Variants in PDE4D observed in about 807,000 individuals in gnomAD.
PDE4D encodes the protein phosphodiesterase 4D.
In PDE4D, 24 loss-of-function variants were observed where a neutral mutation model predicts 87.4. The observed-to-expected ratio is 0.27, with a 90% CI of 0.20 to 0.39. The LOEUF is 0.39. PDE4D is among the 10% of genes least tolerant of loss of function. The pLI, the probability that PDE4D is intolerant of heterozygous loss-of-function variation, is 1.00. For missense variants in PDE4D, 714 were observed against 1,041.0 expected, an observed-to-expected ratio of 0.69 and a Z score of 4.32; for synonymous variants, 384 against 383.2, an observed-to-expected ratio of 1.00 and a Z score of -0.02.
At chr5:59,782,627 G>C (rs1764744398) in intron 1 of PDE4D, among the ~76,000 whole-genome samples, 1 of 152,198 alleles carries the variant, frequency 6.6e-6, no homozygotes, top group African/African-American at 2.4e-5. Flanking sequence ...CAGAATCACA[G>C]ACTTTTGAGA....
intron 1 of PDE4D, among the ~76,000 whole-genome samples, chr5:59,650,346 T>G (rs1379838526): frequency 1.3e-5 from 2 of 152,180 alleles, no homozygotes; most frequent in African/African-American, 4.8e-5. Flanking sequence ...TTCTAATTCT[T>G]CTATTCTGTT....
chr5:60,069,862 A>G (rs1772519023), intron 2 of PDE4D, among the ~76,000 whole-genome samples: 1 of 152,078 alleles, frequency 6.6e-6, no homozygotes, highest in Non-Finnish European at 1.5e-5. Flanking sequence ...AATGTTTTGT[A>G]GTTTTTAATA....
intron 2 of PDE4D, among the ~76,000 whole-genome samples, chr5:60,174,529 C>T (rs143620785): frequency 1.0e-3 from 153 of 152,104 alleles, no homozygotes; most frequent in African/African-American, 3.6e-3. Context: ...GAAGAAACAG[C>T]TTTACCCTCT....
At chr5:59,501,217 T>C (rs1808239308) in intron 1 of PDE4D, among the ~76,000 whole-genome samples, 1 of 152,200 alleles carries the variant, frequency 6.6e-6, no homozygotes, top group Non-Finnish European at 1.5e-5. Context: ...TAGTTTTTAG[T>C]TGTTGTGTAG....
chr5:59,888,361 T>A (rs1031668242), intron 1 of PDE4D, among the ~76,000 whole-genome samples: 5 of 152,206 alleles, frequency 3.3e-5, no homozygotes, highest in African/African-American at 1.2e-4. Flanking sequence ...GATGGATTCA[T>A]TATGTTTTTC....
At chr5:60,492,137 A>G (rs919281510), upstream of PDE4D, among the ~76,000 whole-genome samples, 4 of 152,182 alleles carry the variant, frequency 2.6e-5, no homozygotes, top group Admixed American at 6.5e-5. Context: ...AAAAAAAAAA[A>G]AAAGAAAATT....
intron 1 of PDE4D, among the ~76,000 whole-genome samples, chr5:59,653,297 C>G (rs1743829458): frequency 6.6e-6 from 1 of 150,776 alleles, no homozygotes; most frequent in Admixed American, 6.7e-5. Context: ...AGCTGCACCT[C>G]CCAGGTTAAA....
intron 1 of PDE4D, among the ~76,000 whole-genome samples, chr5:59,712,317 T>C (rs912254404): frequency 2.7e-5 from 4 of 150,066 alleles, no homozygotes; most frequent in African/African-American, 9.8e-5. Context: ...GTCTATCCAT[T>C]TGTCTGTCTC....
chr5:59,544,319 G>T (rs905475507), intron 1 of PDE4D, among the ~76,000 whole-genome samples: 1 of 152,190 alleles, frequency 6.6e-6, no homozygotes, highest in African/African-American at 2.4e-5. Flanking sequence ...TGGTTGCTTG[G>T]AATTTAGGCA....
At chr5:59,584,890 C>T (rs564271545) in intron 1 of PDE4D, among the ~76,000 whole-genome samples, 1 of 152,172 alleles carries the variant, frequency 6.6e-6, no homozygotes, top group Non-Finnish European at 1.5e-5. Context: ...ATGCCTACTA[C>T]GTGCCAGGAA....
intron 6 of PDE4D, among the ~76,000 whole-genome samples, chr5:59,027,456 G>A (rs1341630535): frequency 3.3e-5 from 5 of 152,122 alleles, no homozygotes; most frequent in Non-Finnish European, 7.3e-5. Flanking sequence ...CTCCTTGAGA[G>A]TAGAGTATCT....
At chr5:59,009,580 C>A (rs10078763) in intron 6 of PDE4D, among the ~76,000 whole-genome samples, 15,297 of 151,922 alleles carry the variant, frequency 0.1, 1,017 homozygotes, top group Non-Finnish European at 0.13. Context: ...CAGCACTGGA[C>A]GTGGGGTTTG....
At chr5:60,482,160 C>T (rs769911999) in intron 1 of PDE4D, among the ~76,000 whole-genome samples, 5 of 151,904 alleles carry the variant, frequency 3.3e-5, no homozygotes, top group African/African-American at 9.7e-5. Flanking sequence ...GAATGGGGTT[C>T]GTGCCTTTAC....
chr5:60,138,044 G>T (rs1780200552), intron 2 of PDE4D, among the ~76,000 whole-genome samples: 1 of 151,934 alleles, frequency 6.6e-6, no homozygotes, highest in African/African-American at 2.4e-5. Context: ...AATAGGGAAT[G>T]ATTTCCCCAT....
chr5:60,118,561 T>TCGTGTGTG (rs150441384), intron 2 of PDE4D, among the ~76,000 whole-genome samples: 28 of 144,304 alleles, frequency 1.9e-4, no homozygotes, highest in African/African-American at 7.2e-4. Context: ...TGGATGTAGG[T>TCGTGTGTG]TGTGTGTGTG....
intron 1 of PDE4D, among the ~76,000 whole-genome samples, chr5:60,303,577 G>A (rs1754140378): frequency 6.6e-6 from 1 of 152,116 alleles, no homozygotes; most frequent in African/African-American, 2.4e-5. Context: ...AAAGTGCTGG[G>A]ATTACAGGCG....
chr5:59,412,426 A>G (rs1176715362), intron 1 of PDE4D, among the ~76,000 whole-genome samples: 1 of 152,160 alleles, frequency 6.6e-6, no homozygotes, highest in Non-Finnish European at 1.5e-5. Flanking sequence ...CACATCCACA[A>G]TTACGCTCTG....
intron 1 of PDE4D, among the ~76,000 whole-genome samples, chr5:60,469,755 C>T (rs972129534): frequency 3.3e-5 from 5 of 152,016 alleles, no homozygotes; most frequent in African/African-American, 1.2e-4. Flanking sequence ...CAAACCATGC[C>T]CATATAGGAC....
intron 1 of PDE4D, among the ~76,000 whole-genome samples, chr5:59,587,868 C>T (rs1418205125): frequency 6.6e-6 from 1 of 152,084 alleles, no homozygotes; most frequent in African/African-American, 2.4e-5. Context: ...AGGGAAATTA[C>T]GCCTTAAACA....
Sources: gnomAD v4.1 joint callset for allele counts (sites outside exome capture counted in the v4.1 genomes callset) on GRCh38, gnomAD v4.1.1 for gene constraint, MANE v1.5 for transcripts, NCBI Gene and HGNC (gene_info 2026-07-23, HGNC 2026-07-21) for gene names.